The following KIF16B variants were observed in gnomAD, a reference collection of about 807,000 sequenced individuals.
KIF16B encodes kinesin-like protein KIF16B.
In KIF16B, 98 loss-of-function variants were observed where a neutral mutation model predicts 156.3. That is an observed-to-expected ratio of 0.63 (90% CI 0.53 to 0.74). The LOEUF (loss-of-function observed/expected upper bound fraction) is 0.74, where lower values mean the gene tolerates loss of function less well. KIF16B is among the 30% of genes least tolerant of loss of function. The pLI, the probability that KIF16B is intolerant of heterozygous loss-of-function variation, is 0.00. For missense variants in KIF16B, 1,421 were observed against 1,606.5 expected (o/e 0.88, Z 1.97); for synonymous variants, 564 against 583.7 (o/e 0.97, Z 0.49).
At chr20:16,529,804 A>C (rs2147162939) in intron 1 of KIF16B, among the ~76,000 whole-genome samples, 1 of 152,310 alleles carries the variant, frequency 6.6e-6, no homozygotes, top group South Asian at 2.1e-4. Flanking sequence ...ATAGAAAATT[A>C]GCCGGCCATG....
At chr20:16,341,918 T>C (rs565749360) in intron 23 of KIF16B, among the ~76,000 whole-genome samples, 1 of 152,306 alleles carries the variant, frequency 6.6e-6, no homozygotes, top group African/African-American at 2.4e-5. Context: ...GAACTAAAAA[T>C]CTCACACCCC....
At chr20:16,461,241 T>C (rs994253675) in intron 12 of KIF16B, among the ~76,000 whole-genome samples, 2 of 151,972 alleles carry the variant, frequency 1.3e-5, no homozygotes, top group Non-Finnish European at 1.5e-5. Flanking sequence ...GTAAGAAAGA[T>C]ATAGAATATA....
intron 1 of KIF16B, among the ~76,000 whole-genome samples, chr20:16,538,206 A>C (rs2070053796): frequency 6.6e-6 from 1 of 152,196 alleles, no homozygotes; most frequent in East Asian, 1.9e-4. Flanking sequence ...TGAGTCCACC[A>C]AGCACAAGGG....
rs2065033352 is a variant in KIF16B, at chr20:16,379,400, G to A, written c.2602C>T (p.His868Tyr). ...QEILECLKCEHDKESRLLEKH... is the reference protein window; with the variant it reads ...QEILECLKCEYDKESRLLEKH... ...TCCAACAATCTAGATTCTTTGTCATGTTCACATTTTAAACACTCTAGGATC... is the reference window on the plus strand; with the variant it reads ...TCCAACAATCTAGATTCTTTGTCATATTCACATTTTAAACACTCTAGGATC... Residue 868 changes from histidine (H) to tyrosine (Y), a missense_variant, in exon 19 of 26, where the codon CAT becomes TAT. Physicochemically the swap from His to Tyr is moderately conservative, Grantham distance 83 (BLOSUM62 2). Transcript: ENST00000354981. The A allele has an allele frequency of 1.9e-6, 3 of 1,607,228 alleles. No individual in the cohort carries two copies. Among genetic ancestry groups the A allele is most frequent in the Admixed American group, 3.4e-5 (2 of 59,110 alleles).
At chr20:16,329,131 T>A (rs1388042649) in intron 24 of KIF16B, among the ~76,000 whole-genome samples, 2 of 152,198 alleles carry the variant, frequency 1.3e-5, no homozygotes, top group African/African-American at 4.8e-5. Context: ...TCCAACTTTA[T>A]TAAAATACCA....
At chr20:16,525,615 A>G (rs1339280236) in intron 3 of KIF16B, among the ~76,000 whole-genome samples, 1 of 152,232 alleles carries the variant, frequency 6.6e-6, no homozygotes, top group Non-Finnish European at 1.5e-5. Context: ...CTCTAGAAAG[A>G]TTCTGAATGA....
At chr20:16,429,557 C>G (rs1465964368) in intron 13 of KIF16B, among the ~76,000 whole-genome samples, 2 of 152,102 alleles carry the variant, frequency 1.3e-5, no homozygotes, top group African/African-American at 4.8e-5. Context: ...CAAAATCCCC[C>G]CAGCTGTTTA....
chr20:16,291,121 C>G (rs2063308644), intron 25 of KIF16B, among the ~76,000 whole-genome samples: 1 of 152,200 alleles, frequency 6.6e-6, no homozygotes, highest in South Asian at 2.1e-4. Flanking sequence ...ATAGGCAATG[C>G]TGATAGGCCT....
rs150515731 is a variant in KIF16B, at chr20:16,465,403, C to A, written c.1302+28888G>T. Among the ~76,000 whole-genome samples the A allele has an allele frequency of 5.5e-4, 84 of 152,338 alleles. 1 individual carries two copies. The East Asian group carries it at 6.4e-3, about 12-fold the overall frequency. On this transcript the variant is annotated intron_variant, in intron 12 of 25. Coordinates refer to ENST00000354981, the MANE Select transcript of KIF16B (RefSeq NM_024704.5). Reference sequence around the variant, plus strand: ...TGGTCAATACCAGTCCATCATGCAGCCTCTGTCCTCCGACAATGAAGCATC... The same window carrying A: ...TGGTCAATACCAGTCCATCATGCAGACTCTGTCCTCCGACAATGAAGCATC...
At chr20:16,555,808 A>C (rs932455557) in intron 1 of KIF16B, among the ~76,000 whole-genome samples, 3 of 152,214 alleles carry the variant, frequency 2.0e-5, no homozygotes, top group Non-Finnish European at 2.9e-5. Context: ...TCAAAACAGA[A>C]AGGAATTCAA....
intron 12 of KIF16B, among the ~76,000 whole-genome samples, chr20:16,468,601 GA>G (rs1204615324): frequency 1.8e-4 from 26 of 140,918 alleles, no homozygotes; most frequent in African/African-American, 7.1e-4. Context: ...AAAAAAAAAG[GA>G]AAATTATATA....
chr20:16,316,989 G>A (rs2063707844), intron 24 of KIF16B, among the ~76,000 whole-genome samples: 1 of 152,160 alleles, frequency 6.6e-6, no homozygotes, highest in South Asian at 2.1e-4. Context: ...AAGAATATAA[G>A]AAAGGTTCAG....
Position 16,515,700 on chromosome 20 carries a change from A to G in KIF16B, c.232-36T>C, listed in dbSNP as rs2069121497. On this transcript the variant is annotated intron_variant, in intron 3 of 25. Coordinates refer to ENST00000354981, the MANE Select transcript of KIF16B (RefSeq NM_024704.5). ...AAAAGAACACACAAAAGATACAATT[A>G]TCATAGATTTTAATAATAGCCCCTT... 2.5e-6 allele frequency: 3 copies of G among 1,186,894 alleles called. No individual in the cohort carries two copies. In the East Asian group the frequency reaches 7.0e-5, roughly 28 times the overall value. 73.5% of individuals were successfully genotyped at this position (1,186,894 alleles called of 1,614,324 possible).
At chr20:16,422,760 CA>C (rs1348801683) in intron 15 of KIF16B, among the ~76,000 whole-genome samples, 1 of 152,004 alleles carries the variant, frequency 6.6e-6, no homozygotes, top group East Asian at 1.9e-4. Context: ...GATGATAATT[CA>C]AACACAAGAG....
intron 17 of KIF16B, among the ~76,000 whole-genome samples, chr20:16,397,862 C>G (rs918780839): frequency 6.6e-6 from 1 of 152,186 alleles, no homozygotes; most frequent in Non-Finnish European, 1.5e-5. Context: ...CTGGGCAGAC[C>G]TGTGAGAGGG....
At chr20:16,570,889 C>T (rs919492006) in intron 1 of KIF16B, among the ~76,000 whole-genome samples, 5 of 152,282 alleles carry the variant, frequency 3.3e-5, no homozygotes, top group South Asian at 2.1e-4. Context: ...TTTCTTCTCA[C>T]GTAACATCCT....
At chr20:16,522,564 A>T (rs6034515) in intron 3 of KIF16B, among the ~76,000 whole-genome samples, 36,671 of 152,092 alleles carry the variant, frequency 0.24, 5,067 homozygotes, top group East Asian at 0.36. Context: ...CCCACACAAT[A>T]ATAGTGGGAG....
chr20:16,542,235 T>C (rs1459789347), intron 1 of KIF16B, among the ~76,000 whole-genome samples: 1 of 152,158 alleles, frequency 6.6e-6, no homozygotes, highest in Non-Finnish European at 1.5e-5. Flanking sequence ...TGCAGAACCA[T>C]TACTGAAGAG....
intron 15 of KIF16B, among the ~76,000 whole-genome samples, chr20:16,425,781 G>C (rs1285468497): frequency 6.6e-6 from 1 of 152,092 alleles, no homozygotes; most frequent in African/African-American, 2.4e-5. Flanking sequence ...ATGCATATTA[G>C]TCTAATCATA....
Sources: allele counts gnomAD v4.1 joint callset (sites outside exome capture counted in the v4.1 genomes callset), GRCh38; gene constraint gnomAD v4.1.1; transcripts MANE v1.5; gene names NCBI Gene and HGNC (gene_info 2026-07-23, HGNC 2026-07-21).